Variants in ARHGAP29 observed in about 807,000 individuals in gnomAD.
ARHGAP29 encodes the protein rho GTPase-activating protein 29.
A neutral mutation model predicts 122.6 loss-of-function variants in ARHGAP29; 43 were observed. The ratio of observed to expected loss-of-function variants is 0.35; its 90% confidence interval spans 0.27 to 0.45. The LOEUF is 0.45. ARHGAP29 is among the 20% of genes least tolerant of loss of function. The pLI, the probability that ARHGAP29 is intolerant of heterozygous loss-of-function variation, is 1.00. For missense variants in ARHGAP29, 1,303 were observed against 1,477.2 expected (o/e 0.88, Z 1.93); for synonymous variants, 506 against 497.1 (o/e 1.02, Z -0.24).
At chr1:94,308,056 G>C in the ARHGAP29 span, among the ~76,000 whole-genome samples, 3 of 152,020 alleles carry the variant, frequency 2.0e-5, no homozygotes, top group Non-Finnish European at 4.4e-5. Context: ...TGGATTGCAC[G>C]GGGCCTGGCA....
the ARHGAP29 span, among the ~76,000 whole-genome samples, chr1:94,309,611 G>C: frequency 3.9e-5 from 6 of 152,196 alleles, no homozygotes; most frequent in Non-Finnish European, 8.8e-5. Context: ...AGGGGGTTTT[G>C]AAGGTGAGAA....
chr1:94,238,165 A>AT (rs1350601125), upstream of ARHGAP29, among the ~76,000 whole-genome samples: 13 of 136,524 alleles, frequency 9.5e-5, no homozygotes, highest in South Asian at 2.3e-4. Context: ...GGCTCAATTG[A>AT]TTCTCCCACC....
In ARHGAP29 at chr1:94,205,732, C is replaced by G. The variant is rs369094345; in HGVS notation, c.511-49G>C. The G allele has an allele frequency of 3.0e-5, 47 of 1,561,758 alleles. No homozygotes were observed. In the African/African-American group the frequency reaches 6.2e-4, roughly 20 times the overall value. ...TTTAAAATTAGAGAAGAACACAAAT[C>G]TTTGCTTCAGAATTTTTTTGCCCCA... is the stretch of plus-strand genomic sequence containing the variant. On this transcript the variant is annotated intron_variant, in intron 5 of 22. Transcript: ENST00000260526.
At chr1:94,236,878 G>C (rs1340119190) in intron 1 of ARHGAP29, among the ~76,000 whole-genome samples, 2 of 152,112 alleles carry the variant, frequency 1.3e-5, no homozygotes, top group African/African-American at 4.8e-5. Flanking sequence ...GCAGGTGGGA[G>C]CGGGAATAGA....
chr1:94,181,646 C>T (rs1030312142), intron 19 of ARHGAP29, among the ~76,000 whole-genome samples: 1 of 152,112 alleles, frequency 6.6e-6, no homozygotes, highest in Admixed American at 6.5e-5. Context: ...TCAAGGTCTT[C>T]GAAGACTTCT....
chr1:94,179,992 T>C (rs1039287429), intron 19 of ARHGAP29, 35 bp from the exon 20 acceptor site: 8 of 1,441,704 alleles, frequency 5.5e-6, no homozygotes, highest in Non-Finnish European at 7.5e-6. Flanking sequence ...GTAAGCATTC[T>C]ATTTTTTTCT....
the ARHGAP29 span, among the ~76,000 whole-genome samples, chr1:94,300,342 A>G: frequency 6.6e-6 from 1 of 152,202 alleles, no homozygotes; most frequent in Admixed American, 6.5e-5. Context: ...AAGAGCCCTA[A>G]GTAGCTCCAC....
chr1:94,194,236 C>T (rs539858762), intron 12 of ARHGAP29: 15 of 152,240 alleles, frequency 9.9e-5, no homozygotes, highest in South Asian at 2.1e-4. Context: ...ATTAAATGCT[C>T]GGCTTCTTCA....
chr1:94,277,719 C>CAAG (rs1194394364), upstream of ARHGAP29, among the ~76,000 whole-genome samples: 1 of 152,114 alleles, frequency 6.6e-6, no homozygotes, highest in East Asian at 1.9e-4. Context: ...GCAATTCCCT[C>CAAG]CTCCTTCTCC....
At chr1:94,245,726 T>C (rs1653771653) in intron 1 of ARHGAP29, among the ~76,000 whole-genome samples, 1 of 152,198 alleles carries the variant, frequency 6.6e-6, no homozygotes, top group African/African-American at 2.4e-5. Context: ...CTACCGAAGA[T>C]GCAAAGGTTC....
chr1:94,181,720 G>A (rs1325584407), intron 19 of ARHGAP29, among the ~76,000 whole-genome samples: 2 of 152,100 alleles, frequency 1.3e-5, no homozygotes, highest in Non-Finnish European at 2.9e-5. Flanking sequence ...GACAGTCATG[G>A]AGACGGAAAT....
chr1:94,313,226 G>C, the ARHGAP29 span, among the ~76,000 whole-genome samples: 4 of 151,926 alleles, frequency 2.6e-5, no homozygotes, highest in Admixed American at 6.6e-5. Context: ...CTCTCTGCCC[G>C]AGATGCTCTT....
At chr1:94,271,422 T>C (rs1399158182) in intron 1 of ARHGAP29, among the ~76,000 whole-genome samples, 1 of 152,208 alleles carries the variant, frequency 6.6e-6, no homozygotes, top group Non-Finnish European at 1.5e-5. Context: ...ACACCAATAC[T>C]AGTAAGAGAA....
chr1:94,211,375 T>C (rs1158614878), intron 3 of ARHGAP29, among the ~76,000 whole-genome samples: 1 of 143,092 alleles, frequency 7.0e-6, no homozygotes. Flanking sequence ...ACTGAAAAAC[T>C]GCAACAAAAA....
intron 1 of ARHGAP29, among the ~76,000 whole-genome samples, chr1:94,255,459 T>C (rs964695097): frequency 2.0e-5 from 3 of 152,202 alleles, no homozygotes; most frequent in Non-Finnish European, 4.4e-5. Flanking sequence ...ACTATTTAAA[T>C]GACAGGACTT....
chr1:94,185,560 T>G, intron 16 of ARHGAP29, 79 bp from the exon 17 acceptor site: 1 of 1,242,880 alleles, frequency 8.0e-7, no homozygotes, highest in Non-Finnish European at 1.1e-6. Context: ...TGAATAATCT[T>G]TAAACCCTGT....
chr1:94,246,451 T>C (rs1163716676), intron 1 of ARHGAP29, among the ~76,000 whole-genome samples: 2 of 152,154 alleles, frequency 1.3e-5, no homozygotes, highest in African/African-American at 2.4e-5. Flanking sequence ...AAGGTAAATG[T>C]AGAACAAAAA....
chr1:94,276,640 G>A (rs1655200734), upstream of ARHGAP29, among the ~76,000 whole-genome samples: 1 of 151,596 alleles, frequency 6.6e-6, no homozygotes, highest in Non-Finnish European at 1.5e-5. Flanking sequence ...AATTAGCTGG[G>A]CATGGTGGCG....
chr1:94,221,334 T>C (rs1267673321), intron 2 of ARHGAP29, among the ~76,000 whole-genome samples: 1 of 152,112 alleles, frequency 6.6e-6, no homozygotes, highest in Non-Finnish European at 1.5e-5. Flanking sequence ...ATAATCTTCC[T>C]TTCTGTAAAC....
Sources: allele counts gnomAD v4.1 joint callset (sites outside exome capture counted in the v4.1 genomes callset), GRCh38; gene constraint gnomAD v4.1.1; transcripts MANE v1.5; gene names NCBI Gene and HGNC (gene_info 2026-07-23, HGNC 2026-07-21).